Variants in VDAC1 observed in about 807,000 individuals in gnomAD.
VDAC1 encodes voltage dependent anion channel 1, also known as non-selective voltage-gated ion channel VDAC1.
Under a neutral mutation model 34.7 loss-of-function variants are expected in VDAC1, and 10 were observed. The ratio of observed to expected loss-of-function variants is 0.29; its 90% CI spans 0.18 to 0.49. The LOEUF (loss-of-function observed/expected upper bound fraction) is 0.49, where lower values mean the gene tolerates loss of function less well. Ranked by LOEUF, VDAC1 falls within the 20% of genes least tolerant of loss-of-function variation. VDAC1 has a pLI of 0.99. For synonymous variants in VDAC1, 130 were observed against 136.0 expected, an observed-to-expected ratio of 0.96 and a Z score of 0.30; for missense variants, 230 against 347.9, an observed-to-expected ratio of 0.66 and a Z score of 2.69.
the VDAC1 span, among the ~76,000 whole-genome samples, chr5:134,073,072 C>A: frequency 6.6e-5 from 10 of 152,170 alleles, no homozygotes; most frequent in African/African-American, 2.2e-4. Flanking sequence ...AGGTCCTAGG[C>A]TTTTAGGCCT....
At chr5:134,030,805 G>GT in the VDAC1 span, among the ~76,000 whole-genome samples, 1 of 151,944 alleles carries the variant, frequency 6.6e-6, no homozygotes, top group Admixed American at 6.6e-5. Context: ...TTTTTTAGGG[G>GT]TTTTACCATG....
rs574587547 is a variant in VDAC1 at position 133,972,709 on chromosome 5, T to A, written c.*62A>T. ...AGACATACAACATTAAAAGATACAC[T>A]AAATTCTGAAGGTAGCTATGCTGCA... On this transcript the variant is annotated 3_prime_UTR_variant, in exon 9 of 9. Coordinates refer to ENST00000265333, the MANE Select transcript of VDAC1 (RefSeq NM_003374.3). 37 of 1,134,458 alleles carry A rather than the reference T, an allele frequency of 3.3e-5. No individual in the cohort carries two copies. In the East Asian group the frequency reaches 8.3e-4, roughly 25 times the overall value. 70.3% of individuals were successfully genotyped at this position (1,134,458 alleles called of 1,614,324 possible).
chr5:134,078,690 G>A, the VDAC1 span, among the ~76,000 whole-genome samples: 9 of 125,096 alleles, frequency 7.2e-5, no homozygotes, highest in Admixed American at 1.0e-4. Context: ...TGCTCTTGTC[G>A]CCCAGGCTGG....
At chr5:134,103,426 GTCA>G in the VDAC1 span, among the ~76,000 whole-genome samples, 1 of 152,114 alleles carries the variant, frequency 6.6e-6, no homozygotes. Flanking sequence ...CCAGGCTGGT[GTCA>G]TTCTTTAACT....
the VDAC1 span, among the ~76,000 whole-genome samples, chr5:134,095,513 T>TC: frequency 2.2e-3 from 330 of 148,204 alleles, 1 homozygote; most frequent in African/African-American, 8.5e-3. Context: ...AATAAATAAA[T>TC]AAATAAATAA....
the VDAC1 span, among the ~76,000 whole-genome samples, chr5:134,044,298 G>T: frequency 6.6e-6 from 1 of 152,280 alleles, no homozygotes; most frequent in East Asian, 1.9e-4. Context: ...TTCCGCCCTA[G>T]CTCCAGCTCC....
chr5:133,972,957 A>G (rs1752354251), intron 8 of VDAC1, 95 bp from the exon 9 acceptor site: 1 of 1,063,182 alleles, frequency 9.4e-7, no homozygotes, highest in African/African-American at 1.6e-5. Context: ...TGTTCCAGGT[A>G]TTATCAGCAG....
chr5:134,079,201 A>G, the VDAC1 span, among the ~76,000 whole-genome samples: 1 of 149,516 alleles, frequency 6.7e-6, no homozygotes, highest in African/African-American at 2.5e-5. Flanking sequence ...CTGATCTCCA[A>G]CTCCTGTGCT....
the VDAC1 span, among the ~76,000 whole-genome samples, chr5:134,049,244 CTTTAA>C: frequency 6.6e-6 from 1 of 152,148 alleles, no homozygotes; most frequent in Admixed American, 6.6e-5. Context: ...TCATACTATC[CTTTAA>C]TTTAATTTTT....
At chr5:134,071,971 C>T in the VDAC1 span, among the ~76,000 whole-genome samples, 5,659 of 152,176 alleles carry the variant, frequency 0.037, 346 homozygotes, top group African/African-American at 0.13. The surrounding 1 kb of genome is among the most constrained non-coding windows in gnomAD (Gnocchi z 4.1). Context: ...GGAGTTTACC[C>T]CCAGGGCTCC....
At chr5:134,111,132 C>T in the VDAC1 span, among the ~76,000 whole-genome samples, 1 of 152,162 alleles carries the variant, frequency 6.6e-6, no homozygotes, top group African/African-American at 2.4e-5. Context: ...GAGACTGAGG[C>T]TCAGAGAGGG....
the VDAC1 span, among the ~76,000 whole-genome samples, chr5:134,083,195 T>C: frequency 6.6e-6 from 1 of 150,730 alleles, no homozygotes; most frequent in Non-Finnish European, 1.5e-5. Flanking sequence ...TTTTTCTTTT[T>C]TTTTTTTTTT....
At chr5:134,025,072 T>C in the VDAC1 span, among the ~76,000 whole-genome samples, 2 of 152,166 alleles carry the variant, frequency 1.3e-5, no homozygotes, top group African/African-American at 4.8e-5. Flanking sequence ...TGTTAGTCCA[T>C]TTTGGTGTTG....
At chr5:134,066,138 G>A in the VDAC1 span, among the ~76,000 whole-genome samples, 650 of 151,222 alleles carry the variant, frequency 4.3e-3, 2 homozygotes, top group Admixed American at 8.8e-3. Context: ...ACGGAGTCTC[G>A]CTCTGTTGCC....
chr5:133,972,725 C>G lies in VDAC1; in HGVS notation c.*46G>C, dbSNP rs760775218. 62 of 1,211,234 alleles carry G rather than the reference C, an allele frequency of 5.1e-5. No individual in the cohort carries two copies. Among genetic ancestry groups the G allele is most frequent in the Non-Finnish European group, 6.6e-5 (55 of 830,930 alleles). The allele number at this position is 1,211,234 out of a possible 1,614,324, so 75.0% of individuals were successfully genotyped here. On this transcript the variant is annotated 3_prime_UTR_variant, in exon 9 of 9. Transcript: ENST00000265333. ...AAGATACACTAAATTCTGAAGGTAG[C>G]TATGCTGCAAAATAGTTTAAAATTA...
intron 1 of VDAC1, among the ~76,000 whole-genome samples, chr5:134,001,734 A>G (rs867600462): frequency 2.8e-4 from 41 of 149,038 alleles, no homozygotes; most frequent in South Asian, 1.1e-3. Context: ...AAAAAAAAAA[A>G]AGAGAGAGAG....
intron 3 of VDAC1, 100 bp from the exon 4 acceptor site, chr5:133,991,254 C>G: frequency 6.8e-7 from 1 of 1,478,084 alleles, no homozygotes; most frequent in Non-Finnish European, 9.2e-7. Flanking sequence ...GAGGCAAGAC[C>G]CTGAATGTGG....
the VDAC1 span, among the ~76,000 whole-genome samples, chr5:134,075,615 G>T: frequency 6.6e-6 from 1 of 151,998 alleles, no homozygotes; most frequent in Non-Finnish European, 1.5e-5. Context: ...ACAGAGTCTC[G>T]CTCTGTTGCC....
At chr5:134,014,619 A>G in the VDAC1 span, among the ~76,000 whole-genome samples, 2,085 of 152,108 alleles carry the variant, frequency 0.014, 43 homozygotes, top group African/African-American at 0.046. Flanking sequence ...TGTAATCCCA[A>G]CACTTTGGGA....
Sources: allele counts gnomAD v4.1 joint callset (sites outside exome capture counted in the v4.1 genomes callset), GRCh38; gene constraint gnomAD v4.1.1; non-coding constraint Gnocchi (gnomAD v3.1); transcripts MANE v1.5; gene names NCBI Gene and HGNC (gene_info 2026-07-23, HGNC 2026-07-21).